BICC1: variants seen among roughly 807,000 people sequenced by gnomAD.
BICC1 encodes the protein protein bicaudal C homolog 1.
A neutral mutation model predicts 111.0 loss-of-function variants in BICC1; 43 were observed. That is an observed-to-expected ratio of 0.39 (90% CI 0.30 to 0.50). The LOEUF is 0.50. BICC1 is among the 20% of genes least tolerant of loss of function. The probability of loss-of-function intolerance (pLI) is 0.88; values close to 1 mark genes in which losing one functional copy is unlikely to be tolerated. For missense variants in BICC1, 1,091 were observed against 1,203.2 expected, an observed-to-expected ratio of 0.91 and a Z score of 1.38; for synonymous variants, 467 against 434.4, an observed-to-expected ratio of 1.07 and a Z score of -0.93.
At chr10:58,658,856 A>G (rs1838748248) in intron 2 of BICC1, among the ~76,000 whole-genome samples, 1 of 152,022 alleles carries the variant, frequency 6.6e-6, no homozygotes. Context: ...CCCAGCTCTG[A>G]TCCTTTTTGT....
chr10:58,817,462 A>C (rs1844128769), intron 18 of BICC1, 100 bp from the exon 19 acceptor site: 1 of 1,324,322 alleles, frequency 7.6e-7, no homozygotes, highest in African/African-American at 1.4e-5. Flanking sequence ...TATTCAGCTG[A>C]ACAATGGAAG....
chr10:58,613,331 A>AT (rs1379304492), intron 1 of BICC1, among the ~76,000 whole-genome samples: 9 of 152,214 alleles, frequency 5.9e-5, no homozygotes, highest in Non-Finnish European at 1.2e-4. Context: ...CTAAATCATT[A>AT]TATCTGTGCT....
chr10:58,769,890 AGTGTGG>A (rs533291764), intron 3 of BICC1, among the ~76,000 whole-genome samples: 4 of 152,034 alleles, frequency 2.6e-5, no homozygotes, highest in Admixed American at 6.6e-5. Context: ...GTATTAAAGG[AGTGTGG>A]GTTGTGGACT....
chr10:58,575,032 A>C (rs1232761121), intron 1 of BICC1, among the ~76,000 whole-genome samples: 1 of 150,262 alleles, frequency 6.7e-6, no homozygotes. Flanking sequence ...TTTTAATTTT[A>C]CTTTAAATTC....
chr10:58,733,764 G>A (rs1841388612), intron 3 of BICC1, among the ~76,000 whole-genome samples: 1 of 152,188 alleles, frequency 6.6e-6, no homozygotes, highest in East Asian at 1.9e-4. Context: ...ATGCATTGCT[G>A]GTTGGCATTG....
At chr10:58,828,577 A>G (rs1418251305) in intron 20 of BICC1, among the ~76,000 whole-genome samples, 184 bp from the exon 21 acceptor site, 1 of 152,178 alleles carries the variant, frequency 6.6e-6, no homozygotes, top group African/African-American at 2.4e-5. Context: ...GCTATCTTTA[A>G]TACCATACTT....
intron 1 of BICC1, among the ~76,000 whole-genome samples, chr10:58,559,086 A>G (rs1468901905): frequency 7.1e-6 from 1 of 140,736 alleles, no homozygotes; most frequent in East Asian, 2.2e-4. Context: ...TAACTTCATG[A>G]TGTGTTTTAA....
At chr10:58,745,607 C>CCCCT (rs1841811809) in intron 3 of BICC1, among the ~76,000 whole-genome samples, 1 of 128,104 alleles carries the variant, frequency 7.8e-6, no homozygotes, top group Admixed American at 8.1e-5. Context: ...CCACCGCCCC[C>CCCCT]CCCCCACATT....
At position 58,513,134 on chromosome 10, in the gene BICC1, C is replaced by T. The variant is rs752166197; in HGVS notation, c.-10C>T. On this transcript the variant is annotated 5_prime_UTR_variant, in exon 1 of 21. Coordinates refer to ENST00000373886, the MANE Select transcript of BICC1 (RefSeq NM_001080512.3). ...GGCGGCAGCGGGAGCCCGAGCGCTGCGCGCCCACCATGGCCGCCCAGGGAG... is the reference window on the plus strand; with the variant it reads ...GGCGGCAGCGGGAGCCCGAGCGCTGTGCGCCCACCATGGCCGCCCAGGGAG... 2.1e-6 allele frequency: 3 copies of T among 1,456,580 alleles called. No individual in the cohort carries two copies. The African/African-American group carries it at 4.5e-5, about 22-fold the overall frequency. The allele number at this position is 1,456,580 out of a possible 1,614,324, so 90.2% of individuals were successfully genotyped here.
At chr10:58,785,163 G>C (rs921819039) in intron 4 of BICC1, 83 bp downstream of exon 4, 59 of 739,052 alleles carry the variant, frequency 8.0e-5, no homozygotes, top group Middle Eastern at 2.5e-4. Flanking sequence ...GAACCATTTG[G>C]AGAAGAAAAA....
intron 1 of BICC1, among the ~76,000 whole-genome samples, chr10:58,537,358 AT>A (rs1392134321): frequency 1.3e-5 from 2 of 150,660 alleles, no homozygotes; most frequent in Admixed American, 1.3e-4. Context: ...AAAAAAAAAA[AT>A]CATGATGAAG....
At chr10:58,671,141 A>T (rs1044317826) in intron 2 of BICC1, among the ~76,000 whole-genome samples, 8 of 152,146 alleles carry the variant, frequency 5.3e-5, no homozygotes, top group Non-Finnish European at 1.2e-4. Flanking sequence ...ATTTCTACAG[A>T]GTCATATTCT....
chr10:58,756,835 G>C (rs556560598), intron 3 of BICC1, among the ~76,000 whole-genome samples: 1 of 152,104 alleles, frequency 6.6e-6, no homozygotes, highest in East Asian at 1.9e-4. Context: ...AAAGAAAAGC[G>C]ATAACTTTCT....
At chr10:58,516,727 A>G (rs1181437332) in intron 1 of BICC1, among the ~76,000 whole-genome samples, 6 of 152,304 alleles carry the variant, frequency 3.9e-5, no homozygotes, top group Admixed American at 3.9e-4. Flanking sequence ...TTTAATACTG[A>G]TCTTCAAATG....
rs79689301 is a variant in BICC1, at chr10:58,537,866, T to C, written c.190+24533T>C. Among the ~76,000 whole-genome samples, 1,092 of 151,846 alleles carry C rather than the reference T, an allele frequency of 7.2e-3. 14 individuals carry two copies. The highest frequency in any genetic ancestry group is 0.025 in the African/African-American group (1,037 of 41,514). Reference sequence around the variant, plus strand: ...GCTGAGTATGAAATTGAGAACTCAATTCCTTTTACAATAGTTATACAAAAA... The same window carrying C: ...GCTGAGTATGAAATTGAGAACTCAACTCCTTTTACAATAGTTATACAAAAA... On this transcript the variant is annotated intron_variant, in intron 1 of 20. Transcript: ENST00000373886.
At chr10:58,708,900 A>G (rs1589047099) in intron 3 of BICC1, among the ~76,000 whole-genome samples, 3 of 152,196 alleles carry the variant, frequency 2.0e-5, no homozygotes, top group Admixed American at 6.5e-5. Flanking sequence ...TTTGTTAGAC[A>G]AGAAAATGAT....
intron 2 of BICC1, among the ~76,000 whole-genome samples, chr10:58,622,058 T>G (rs537342280): frequency 6.6e-6 from 1 of 151,750 alleles, no homozygotes; most frequent in Non-Finnish European, 1.5e-5. Flanking sequence ...GATGTGCACC[T>G]GTAGTTCCAG....
intron 3 of BICC1, among the ~76,000 whole-genome samples, chr10:58,770,642 A>T (rs1589122746): frequency 6.6e-6 from 1 of 152,296 alleles, no homozygotes; most frequent in African/African-American, 2.4e-5. Context: ...TTTTATTATA[A>T]TTTATACTAA....
chr10:58,649,485 G>A (rs894061079), intron 2 of BICC1, among the ~76,000 whole-genome samples: 4 of 152,126 alleles, frequency 2.6e-5, no homozygotes, highest in African/African-American at 9.7e-5. Flanking sequence ...AAGGAGACAT[G>A]GGAGATACCG....
Sources: gnomAD v4.1 joint callset for allele counts (sites outside exome capture counted in the v4.1 genomes callset) on GRCh38, gnomAD v4.1.1 for gene constraint, MANE v1.5 for transcripts, NCBI Gene and HGNC (gene_info 2026-07-23, HGNC 2026-07-21) for gene names.